Variants in BMAL2 observed in about 807,000 individuals in gnomAD.
BMAL2 encodes the protein basic helix-loop-helix ARNT like 2.
chr12:27,372,263 T>C, the BMAL2 span, among the ~76,000 whole-genome samples: 1 of 150,994 alleles, frequency 6.6e-6, no homozygotes, highest in Non-Finnish European at 1.5e-5. Flanking sequence ...AATTATATGA[T>C]GTTTGTTCTT....
the BMAL2 span, among the ~76,000 whole-genome samples, chr12:27,359,870 A>AGTCCT: frequency 6.6e-6 from 1 of 151,646 alleles, no homozygotes; most frequent in Admixed American, 6.6e-5. Context: ...AATCTGGAGG[A>AGTCCT]GCAGGATCTT....
At chr12:27,400,516 TAAAAA>T in the BMAL2 span, 1 of 1,539,916 alleles carries the variant, frequency 6.5e-7, no homozygotes, top group Admixed American at 2.1e-5. Flanking sequence ...ATGTCCTTTT[TAAAAA>T]TCTTTGAATT....
At chr12:27,389,315 A>T in the BMAL2 span, 1 of 1,478,666 alleles carries the variant, frequency 6.8e-7, no homozygotes, top group Non-Finnish European at 9.4e-7. Flanking sequence ...CCATTTCCGC[A>T]TGCTTATTAT....
At chr12:27,369,274 C>G in the BMAL2 span, among the ~76,000 whole-genome samples, 2 of 150,406 alleles carry the variant, frequency 1.3e-5, no homozygotes, top group African/African-American at 4.9e-5. Flanking sequence ...ATAAAACATC[C>G]TAGCTCTTTT....
the BMAL2 span, chr12:27,332,883 C>A: frequency 4.6e-6 from 1 of 217,484 alleles, no homozygotes; most frequent in Non-Finnish European, 8.4e-6. Flanking sequence ...TAGCTGCTGC[C>A]GGCCGGGCTG....
chr12:27,362,185 A>T, the BMAL2 span, among the ~76,000 whole-genome samples: 1 of 151,772 alleles, frequency 6.6e-6, no homozygotes, highest in African/African-American at 2.4e-5. Context: ...TTTCCTTTTG[A>T]TTTGTCATTT....
At chr12:27,403,130 G>A in the BMAL2 span, among the ~76,000 whole-genome samples, 1 of 152,142 alleles carries the variant, frequency 6.6e-6, no homozygotes, top group East Asian at 1.9e-4. Context: ...TTTCACCACA[G>A]GAATATATTA....
the BMAL2 span, among the ~76,000 whole-genome samples, chr12:27,379,062 G>A: frequency 6.6e-6 from 1 of 152,110 alleles, no homozygotes. Context: ...AATGTTTTTG[G>A]AAAGTTTATG....
the BMAL2 span, among the ~76,000 whole-genome samples, chr12:27,409,289 C>A: frequency 1.3e-5 from 2 of 152,192 alleles, no homozygotes; most frequent in Non-Finnish European, 2.9e-5. Flanking sequence ...ATTGCCAAGT[C>A]AATCCTAAGC....
At chr12:27,420,656 T>G in the BMAL2 span, 5 of 1,134,994 alleles carry the variant, frequency 4.4e-6, no homozygotes, top group Non-Finnish European at 5.9e-6. Context: ...TTCTACCACT[T>G]TTTATAGATT....
the BMAL2 span, chr12:27,422,672 T>G: frequency 6.6e-6 from 1 of 152,150 alleles, no homozygotes; most frequent in Non-Finnish European, 1.5e-5. Context: ...GCAGCCTAAG[T>G]GTTATAGTTA....
the BMAL2 span, chr12:27,368,135 G>T: frequency 1.1e-5 from 13 of 1,139,298 alleles, no homozygotes; most frequent in Non-Finnish European, 1.2e-5. Context: ...GAGCCACAGC[G>T]CCTGGCCTTA....
chr12:27,375,864 T>G, the BMAL2 span, among the ~76,000 whole-genome samples: 1 of 152,210 alleles, frequency 6.6e-6, no homozygotes, highest in Non-Finnish European at 1.5e-5. Flanking sequence ...GTTTCCAGTT[T>G]TCAATATTGG....
At chr12:27,380,229 G>A in the BMAL2 span, 1 of 1,612,694 alleles carries the variant, frequency 6.2e-7, no homozygotes, top group Non-Finnish European at 8.5e-7. Flanking sequence ...TATAAAGGAA[G>A]TTCCTTTTCC....
the BMAL2 span, among the ~76,000 whole-genome samples, chr12:27,415,016 A>G: frequency 1.1e-4 from 17 of 151,446 alleles, no homozygotes; most frequent in African/African-American, 2.7e-4. Flanking sequence ...AGAATCTTAG[A>G]AAAAAAAAGC....
At chr12:27,389,141 T>C in the BMAL2 span, 3 of 1,307,708 alleles carry the variant, frequency 2.3e-6, no homozygotes, top group Non-Finnish European at 3.3e-6. Flanking sequence ...AGAAAAAGCA[T>C]GGTACTGATT....
chr12:27,393,691 A>G, the BMAL2 span, among the ~76,000 whole-genome samples: 17 of 152,326 alleles, frequency 1.1e-4, no homozygotes, highest in African/African-American at 4.1e-4. Flanking sequence ...TCTGACAACA[A>G]TAGATGTTGG....
the BMAL2 span, among the ~76,000 whole-genome samples, chr12:27,339,187 C>T: frequency 6.6e-6 from 1 of 152,182 alleles, no homozygotes; most frequent in African/African-American, 2.4e-5. Flanking sequence ...ATTTAGCTCC[C>T]ACTTATAAGT....
At chr12:27,384,717 A>G in the BMAL2 span, among the ~76,000 whole-genome samples, 2 of 152,224 alleles carry the variant, frequency 1.3e-5, no homozygotes, top group African/African-American at 2.4e-5. Context: ...ATTAACATCA[A>G]TAATAAACTA....
Sources: allele counts gnomAD v4.1 joint callset (sites outside exome capture counted in the v4.1 genomes callset), GRCh38; gene constraint gnomAD v4.1.1; transcripts MANE v1.5; gene names NCBI Gene and HGNC (gene_info 2026-07-23, HGNC 2026-07-21).